The following RBFOX1 variants were observed in gnomAD, a reference collection of about 807,000 sequenced individuals.
The protein encoded by RBFOX1 is RNA binding fox-1 homolog 1, also known as RNA binding protein fox-1 homolog 1.
RBFOX1 carries 8 observed loss-of-function variants against 57.7 expected under a neutral mutation model. That is an observed-to-expected ratio of 0.14 (90% CI 0.08 to 0.25). The LOEUF (loss-of-function observed/expected upper bound fraction) is 0.25, where lower values mean the gene tolerates loss of function less well. RBFOX1 is among the 10% of genes least tolerant of loss of function. The pLI is 1.00. For missense variants in RBFOX1, 611 were observed against 548.5 expected, an observed-to-expected ratio of 1.11 and a Z score of -1.14; for synonymous variants, 326 against 222.4, an observed-to-expected ratio of 1.47 and a Z score of -4.15.
chr16:6,262,277 A>G (rs923266102), intron 1 of RBFOX1, among the ~76,000 whole-genome samples: 1 of 152,116 alleles, frequency 6.6e-6, no homozygotes, highest in Admixed American at 6.5e-5. Flanking sequence ...CTTTAAGGGT[A>G]CTTCCTGGAA....
chr16:5,540,259 G>T (rs2044875805), intron 2 of RBFOX1, among the ~76,000 whole-genome samples: 1 of 152,060 alleles, frequency 6.6e-6, no homozygotes. Flanking sequence ...TAGCTTGCAG[G>T]GTCTTAATAG....
intron 1 of RBFOX1, among the ~76,000 whole-genome samples, chr16:5,398,962 G>A (rs1288608417): frequency 6.6e-6 from 1 of 152,220 alleles, no homozygotes; most frequent in Non-Finnish European, 1.5e-5. Flanking sequence ...TTTGCACTCT[G>A]CTCTCCAGTC....
intron 2 of RBFOX1, among the ~76,000 whole-genome samples, chr16:6,525,704 C>G (rs552106419): frequency 9.9e-5 from 15 of 152,112 alleles, no homozygotes; most frequent in African/African-American, 3.6e-4. Flanking sequence ...GTGGGAGGAA[C>G]ACTGTGCTTT....
intron 4 of RBFOX1, among the ~76,000 whole-genome samples, chr16:7,409,226 G>C (rs980986717): frequency 1.3e-5 from 2 of 152,162 alleles, no homozygotes; most frequent in Non-Finnish European, 2.9e-5. Context: ...CTCTGATGTG[G>C]TCTTATCAGG....
intron 1 of RBFOX1, among the ~76,000 whole-genome samples, chr16:6,253,656 T>C (rs2097640414): frequency 6.9e-6 from 1 of 145,174 alleles, no homozygotes; most frequent in African/African-American, 2.5e-5. Context: ...TTAAAAGAAA[T>C]AGATGTGTGT....
At chr16:7,450,898 C>T (rs2098846868) in intron 4 of RBFOX1, among the ~76,000 whole-genome samples, 1 of 152,124 alleles carries the variant, frequency 6.6e-6, no homozygotes, top group Non-Finnish European at 1.5e-5. Flanking sequence ...AGTTTCAGGG[C>T]ATGCATCCAC....
chr16:7,364,583 A>C lies in RBFOX1; in HGVS notation c.28-153564A>C, dbSNP rs540198309. Among the ~76,000 whole-genome samples, 9 of 150,704 alleles carry C rather than the reference A, an allele frequency of 6.0e-5. No individual in the cohort carries two copies. In the South Asian group the frequency reaches 6.2e-4, roughly 10 times the overall value. ...CATGATATCAAGAAGACCAAAAAAA[A>C]AAAAAACAAAAAAAAAAAACTTGGA... On this transcript the variant is annotated intron_variant, in intron 4 of 15. Transcript: ENST00000550418.
intron 4 of RBFOX1, among the ~76,000 whole-genome samples, chr16:5,892,507 G>A (rs947499146): frequency 6.6e-6 from 1 of 152,166 alleles, no homozygotes; most frequent in African/African-American, 2.4e-5. Flanking sequence ...TAGTAAGAGT[G>A]GTGATGATGA....
At chr16:6,672,781 G>T (rs887036616) in intron 3 of RBFOX1, among the ~76,000 whole-genome samples, 1 of 152,178 alleles carries the variant, frequency 6.6e-6, no homozygotes, top group Non-Finnish European at 1.5e-5. Context: ...CCAATTCACA[G>T]TTCTGGTAGA....
At chr16:7,653,491 G>A (rs1568298085) in intron 11 of RBFOX1, among the ~76,000 whole-genome samples, 1 of 152,180 alleles carries the variant, frequency 6.6e-6, no homozygotes, top group Non-Finnish European at 1.5e-5. Context: ...GGGTGACAGA[G>A]CCAGTCCCTG....
chr16:7,280,435 C>A (rs1394769217), intron 4 of RBFOX1, among the ~76,000 whole-genome samples: 1 of 152,210 alleles, frequency 6.6e-6, no homozygotes, highest in African/African-American at 2.4e-5. Context: ...AGGATCACCT[C>A]ACCTTTGTCC....
intron 2 of RBFOX1, among the ~76,000 whole-genome samples, chr16:5,475,606 T>G (rs941203566): frequency 1.3e-5 from 2 of 152,220 alleles, no homozygotes; most frequent in Non-Finnish European, 2.9e-5. Context: ...GGGTTAATAT[T>G]TAGCAGGTGC....
At chr16:6,075,110 C>T (rs894045726) in intron 1 of RBFOX1, among the ~76,000 whole-genome samples, 3 of 152,174 alleles carry the variant, frequency 2.0e-5, no homozygotes, top group African/African-American at 7.2e-5. Flanking sequence ...GCTTCTGGTG[C>T]TCCCATTTAT....
At chr16:6,170,540 AAAAT>A (rs1464271445) in intron 1 of RBFOX1, among the ~76,000 whole-genome samples, 2 of 152,216 alleles carry the variant, frequency 1.3e-5, no homozygotes, top group African/African-American at 4.8e-5. Context: ...AAATAAAAAT[AAAAT>A]AAATGTCAGA....
intron 1 of RBFOX1, among the ~76,000 whole-genome samples, chr16:5,286,340 G>A (rs1369223183): frequency 6.6e-6 from 1 of 152,090 alleles, no homozygotes; most frequent in Admixed American, 6.5e-5. Flanking sequence ...GTGGCATTCT[G>A]ATCTCTAGTT....
chr16:5,639,281 C>G (rs924713279), intron 3 of RBFOX1, among the ~76,000 whole-genome samples: 1 of 152,182 alleles, frequency 6.6e-6, no homozygotes, highest in Non-Finnish European at 1.5e-5. Flanking sequence ...ATTAAAAAAC[C>G]ACATAAAGGC....
chr16:7,612,320 CAAAAAAA>C (rs60248765), intron 10 of RBFOX1, among the ~76,000 whole-genome samples: 53 of 71,442 alleles, frequency 7.4e-4, no homozygotes, highest in African/African-American at 2.5e-3. Flanking sequence ...GACTCCATCT[CAAAAAAA>C]AAAAAAAAAA....
At chr16:5,670,327 C>T (rs1338022021) in intron 3 of RBFOX1, among the ~76,000 whole-genome samples, 1 of 152,132 alleles carries the variant, frequency 6.6e-6, no homozygotes, top group African/African-American at 2.4e-5. Context: ...ATGCATTTCA[C>T]CACAGTCAAA....
intron 2 of RBFOX1, among the ~76,000 whole-genome samples, chr16:6,480,656 C>G (rs1040241223): frequency 2.0e-5 from 3 of 152,138 alleles, no homozygotes; most frequent in African/African-American, 7.2e-5. Context: ...ATTTATATAT[C>G]TACGGAAAAC....
Sources: allele counts gnomAD v4.1 joint callset (sites outside exome capture counted in the v4.1 genomes callset), GRCh38; gene constraint gnomAD v4.1.1; transcripts MANE v1.5; gene names NCBI Gene and HGNC (gene_info 2026-07-23, HGNC 2026-07-21).